Variants in FOXN2 observed in about 807,000 individuals in gnomAD.
FOXN2 encodes the protein forkhead box protein N2.
A neutral mutation model predicts 41.2 loss-of-function variants in FOXN2; 19 were observed. The ratio of observed to expected loss-of-function variants is 0.46; its 90% CI spans 0.32 to 0.68. The LOEUF is 0.68. FOXN2 is among the 30% of genes least tolerant of loss of function. The probability of loss-of-function intolerance (pLI) is 0.03; values close to 1 mark genes in which losing one functional copy is unlikely to be tolerated. For missense variants in FOXN2, 587 were observed against 509.4 expected, an observed-to-expected ratio of 1.15 and a Z score of -1.47; for synonymous variants, 195 against 176.8, an observed-to-expected ratio of 1.10 and a Z score of -0.82.
intron 2 of FOXN2, among the ~76,000 whole-genome samples, chr2:48,343,508 C>G (rs534827935): frequency 3.7e-4 from 57 of 152,202 alleles, no homozygotes; most frequent in Non-Finnish European, 7.5e-4. Context: ...CCTGTAATCC[C>G]AACACTTTGG....
chr2:48,346,835 A>C (rs1011716441), intron 3 of FOXN2, 84 bp downstream of exon 3: 10 of 1,164,162 alleles, frequency 8.6e-6, no homozygotes, highest in African/African-American at 6.1e-5. Context: ...GAAATCGGGG[A>C]GACAATAAGT....
intron 1 of FOXN2, among the ~76,000 whole-genome samples, chr2:48,327,269 G>A (rs1669737595): frequency 6.6e-6 from 1 of 152,006 alleles, no homozygotes; most frequent in Admixed American, 6.6e-5. Context: ...ATTTATAGTA[G>A]CAAATAGAAC....
chr2:48,313,807 A>G (rs1053340222), upstream of FOXN2, among the ~76,000 whole-genome samples: 6 of 152,212 alleles, frequency 3.9e-5, no homozygotes, highest in Non-Finnish European at 8.8e-5. Context: ...CAGATTTAGT[A>G]AAACGAACCA....
At chr2:48,353,626 ATAT>A (rs1218297820) in intron 3 of FOXN2, among the ~76,000 whole-genome samples, 2 of 149,950 alleles carry the variant, frequency 1.3e-5, no homozygotes, top group African/African-American at 2.5e-5. Context: ...GGGGGGAGTG[ATAT>A]TATTCAATAA....
Position 48,346,386 on chromosome 2 carries a change from A to T in FOXN2, c.172A>T (p.Asn58Tyr). Residue 58 changes from asparagine to tyrosine, a missense_variant, in exon 3 of 7, where the codon AAC (asparagine) becomes TAC (tyrosine). Asn to Tyr is a moderately radical substitution (Grantham distance 143). Transcript: ENST00000340553. ...TGAGTCAGCAGATGATGAACTCACAAACTTGAACTGGCTTCATGAAAGCAC... is the reference window on the plus strand; with the variant it reads ...TGAGTCAGCAGATGATGAACTCACATACTTGAACTGGCTTCATGAAAGCAC... ...DSESADDELT[N>Y]LNWLHESTNL... 1 of 1,614,222 alleles carries T rather than the reference A, an allele frequency of 6.2e-7. No individual in the cohort carries two copies. Among genetic ancestry groups the T allele is most frequent in the Non-Finnish European group, 8.5e-7 (1 of 1,180,030 alleles).
At chr2:48,374,308 C>T (rs577918034) in intron 6 of FOXN2, among the ~76,000 whole-genome samples, 9 of 152,088 alleles carry the variant, frequency 5.9e-5, no homozygotes, top group East Asian at 1.9e-4. Flanking sequence ...TGTGTAACTT[C>T]GCTAGAAATT....
chr2:48,360,636 C>T (rs919787272), intron 4 of FOXN2, among the ~76,000 whole-genome samples: 2 of 151,894 alleles, frequency 1.3e-5, no homozygotes, highest in African/African-American at 4.8e-5. Context: ...GAAATGAAAC[C>T]TAGAAAAGAA....
At chr2:48,356,672 G>C (rs972000534) in intron 3 of FOXN2, among the ~76,000 whole-genome samples, 6 of 152,056 alleles carry the variant, frequency 3.9e-5, no homozygotes, top group African/African-American at 1.4e-4. Context: ...CCTTCTTTTT[G>C]GTAGTAGACA....
At chr2:48,326,145 C>T (rs550568484) in intron 1 of FOXN2, among the ~76,000 whole-genome samples, 2 of 152,258 alleles carry the variant, frequency 1.3e-5, no homozygotes, top group African/African-American at 2.4e-5. Context: ...CCACCGTGCC[C>T]GGCCTTCTTC....
intron 2 of FOXN2, among the ~76,000 whole-genome samples, chr2:48,331,913 A>T (rs574054489): frequency 2.8e-4 from 42 of 151,934 alleles, no homozygotes; most frequent in African/African-American, 9.9e-4. Context: ...ATATACCCAT[A>T]TTTTTAATGT....
rs565507529 is a variant in FOXN2, at chr2:48,378,024, T to G, written c.*2581T>G. 186 of 152,312 alleles carry G rather than the reference T, an allele frequency of 1.2e-3. No individual in the cohort carries two copies. The highest frequency in any genetic ancestry group is 4.1e-3 in the African/African-American group (169 of 41,538). The allele number at this position is 152,312 out of a possible 1,614,324, so 9.4% of individuals were successfully genotyped here. On this transcript the variant is annotated 3_prime_UTR_variant, in exon 7 of 7. Coordinates refer to ENST00000340553, the MANE Select transcript of FOXN2 (RefSeq NM_002158.4). ...ATGTTTTCCAACATATCCTAAAAAC[T>G]GTGATATAAGCTAACATATAATTTG...
At chr2:48,372,082 G>A (rs1463881137) in intron 5 of FOXN2, among the ~76,000 whole-genome samples, 1 of 152,164 alleles carries the variant, frequency 6.6e-6, no homozygotes, top group East Asian at 1.9e-4. Context: ...TAAGAGTGGT[G>A]CAAGTGAGCA....
chr2:48,356,298 G>GGGCATGGTGGT (rs1450795597), intron 3 of FOXN2, among the ~76,000 whole-genome samples: 2 of 151,900 alleles, frequency 1.3e-5, no homozygotes, highest in Non-Finnish European at 2.9e-5. Flanking sequence ...AAAATTAGCC[G>GGGCATGGTGGT]GGCATGGTGG....
intron 5 of FOXN2, among the ~76,000 whole-genome samples, chr2:48,367,076 T>G (rs1345419185): frequency 6.6e-6 from 1 of 152,124 alleles, no homozygotes; most frequent in African/African-American, 2.4e-5. Context: ...CCTAAACAGG[T>G]GCAGCAGTGT....
chr2:48,332,804 A>G (rs573146967), intron 2 of FOXN2, among the ~76,000 whole-genome samples: 1 of 152,170 alleles, frequency 6.6e-6, no homozygotes, highest in Non-Finnish European at 1.5e-5. Context: ...TTGTTGTTTA[A>G]TTTGTACTAA....
At chr2:48,340,425 C>G (rs1558621774) in intron 2 of FOXN2, among the ~76,000 whole-genome samples, 1 of 151,898 alleles carries the variant, frequency 6.6e-6, no homozygotes, top group African/African-American at 2.4e-5. Context: ...ATTTCTTATC[C>G]TAGAGTAGGA....
chr2:48,352,638 C>T (rs980774230), intron 3 of FOXN2, among the ~76,000 whole-genome samples: 3 of 152,084 alleles, frequency 2.0e-5, no homozygotes, highest in Non-Finnish European at 2.9e-5. Flanking sequence ...TCAGTGTGTC[C>T]GAAATTGGAC....
chr2:48,357,960 T>C (rs1351773688), intron 3 of FOXN2, among the ~76,000 whole-genome samples: 1 of 151,886 alleles, frequency 6.6e-6, no homozygotes, highest in Non-Finnish European at 1.5e-5. Flanking sequence ...CTCCTGATAA[T>C]CCAGTGCATT....
chr2:48,318,031 A>G (rs1011659301), intron 1 of FOXN2, among the ~76,000 whole-genome samples: 2 of 152,196 alleles, frequency 1.3e-5, no homozygotes, highest in African/African-American at 2.4e-5. Context: ...TTTGATCCAT[A>G]TATACTTTAT....
Sources: allele counts gnomAD v4.1 joint callset (sites outside exome capture counted in the v4.1 genomes callset), GRCh38; gene constraint gnomAD v4.1.1; transcripts MANE v1.5; gene names NCBI Gene and HGNC (gene_info 2026-07-23, HGNC 2026-07-21).